The following PPP2R2B variants were observed in gnomAD, a reference collection of about 807,000 sequenced individuals.
The protein encoded by PPP2R2B is protein phosphatase 2 regulatory subunit Bbeta, also known as serine/threonine-protein phosphatase 2A 55 kDa regulatory subunit B beta isoform.
PPP2R2B carries 5 observed loss-of-function variants against 46.0 expected under a neutral mutation model. That is an observed-to-expected ratio of 0.11 (90% confidence interval 0.06 to 0.23). The LOEUF is 0.23. Ranked by LOEUF, PPP2R2B falls within the 10% of genes least tolerant of loss-of-function variation. The pLI is 1.00. For synonymous variants in PPP2R2B, 215 were observed against 206.7 expected (o/e 1.04, Z -0.34); for missense variants, 367 against 575.0 (o/e 0.64, Z 3.70).
intron 2 of PPP2R2B, among the ~76,000 whole-genome samples, chr5:146,826,984 G>T (rs567445964): frequency 5.5e-4 from 83 of 152,264 alleles, no homozygotes; most frequent in African/African-American, 2.0e-3. Flanking sequence ...CATCACAGGT[G>T]CTCAATAAAT....
In PPP2R2B at chr5:146,820,693, C is replaced by T. The variant is rs556188775; in HGVS notation, c.70+57309G>A. On this transcript the variant is annotated intron_variant, in intron 2 of 9. Coordinates refer to ENST00000394411, the MANE Select transcript of PPP2R2B (RefSeq NM_181675.4). The stretch of plus-strand genomic sequence containing the variant: ...AATCCACTTGCAACACTGATATCTC[C>T]ATGTGGAACGTCAGGCTGCTCAAAC... Among the ~76,000 whole-genome samples the T allele has an allele frequency of 5.9e-5, 9 of 152,238 alleles. No individual in the cohort carries two copies. In the South Asian group the frequency reaches 1.5e-3, roughly 25 times the overall value.
chr5:146,870,516 C>G (rs545041842), intron 2 of PPP2R2B, among the ~76,000 whole-genome samples: 1 of 152,152 alleles, frequency 6.6e-6, no homozygotes, highest in East Asian at 1.9e-4. Context: ...GCACCTTGAT[C>G]GTGGACTTCC....
intron 1 of PPP2R2B, among the ~76,000 whole-genome samples, chr5:146,981,446 G>A (rs894056703): frequency 6.4e-4 from 97 of 151,686 alleles, no homozygotes; most frequent in East Asian, 1.9e-4. Flanking sequence ...TATTGTTTTC[G>A]AGAATTCGGT....
chr5:147,077,387 C>T (rs544968435), intron 2 of PPP2R2B, among the ~76,000 whole-genome samples: 3 of 151,194 alleles, frequency 2.0e-5, no homozygotes, highest in Non-Finnish European at 4.4e-5. Context: ...CTGAGGAAAA[C>T]TGAAGCATGG....
intron 1 of PPP2R2B, among the ~76,000 whole-genome samples, chr5:146,964,902 T>C (rs1199097261): frequency 6.6e-6 from 1 of 152,136 alleles, no homozygotes; most frequent in African/African-American, 2.4e-5. Context: ...CATCTATTAT[T>C]TGGGTGACTG....
At chr5:147,055,763 A>G in exon 1 of PPP2R2B, 1 of 1,592,076 alleles carries the variant, frequency 6.3e-7, no homozygotes, top group Non-Finnish European at 8.6e-7. Context: ...AAAAAATAAA[A>G]ATCTAAATAA....
intron 2 of PPP2R2B, among the ~76,000 whole-genome samples, chr5:146,832,968 G>A (rs1047276708): frequency 3.3e-5 from 5 of 151,906 alleles, no homozygotes; most frequent in African/African-American, 1.2e-4. Context: ...ACGCATGACT[G>A]TGTGTATATT....
chr5:146,637,473 A>G (rs1774898064), intron 7 of PPP2R2B, among the ~76,000 whole-genome samples: 3 of 152,324 alleles, frequency 2.0e-5, no homozygotes, highest in East Asian at 3.9e-4. Context: ...AGAAATGCTT[A>G]TCTATATTAT....
rs1310307845 is a variant in PPP2R2B at position 146,812,480 on chromosome 5, G to GTA, written c.70+65520_70+65521dup. 5.4e-3 allele frequency among the ~76,000 whole-genome samples: 259 copies of GTA among 48,362 alleles called. 7 individuals carry two copies. Among genetic ancestry groups the GTA allele is most frequent in the Middle Eastern group, 0.017 (1 of 60 alleles). The allele number at this position is 48,362 out of a possible 152,430, so 31.7% of individuals were successfully genotyped here. On this transcript the variant is annotated intron_variant, in intron 2 of 9. Transcript: ENST00000394411. ...GGACTAAGTAACTCTAGTGATAGCAGTATATATATATATACTGTATATATA... is the reference window on the plus strand; with the variant it reads ...GGACTAAGTAACTCTAGTGATAGCAGTATATATATATATATACTGTATATATA...
At chr5:146,986,336 G>T (rs149365204) in intron 1 of PPP2R2B, among the ~76,000 whole-genome samples, 44 of 152,270 alleles carry the variant, frequency 2.9e-4, no homozygotes, top group African/African-American at 9.9e-4. Context: ...TCCACAGAGG[G>T]TGTACTTAGA....
intron 2 of PPP2R2B, among the ~76,000 whole-genome samples, chr5:146,827,159 G>A (rs1278845624): frequency 1.3e-5 from 2 of 152,134 alleles, no homozygotes; most frequent in Admixed American, 1.3e-4. Flanking sequence ...TTATGTGCAT[G>A]CTTGGAATAA....
chr5:147,001,075 TCCAATCAGCACTCTGTAAAAACAGA>T (rs1048654260), intron 1 of PPP2R2B, among the ~76,000 whole-genome samples: 1 of 152,156 alleles, frequency 6.6e-6, no homozygotes, highest in African/African-American at 2.4e-5. Flanking sequence ...TTGTAAATTC[TCCAATCAGCACTCTGTAAAAACAGA>T]CCAATCAGCA....
In PPP2R2B at chr5:147,066,846, A is replaced by G. The variant is rs1051967465; in HGVS notation, c.50+14213T>C. On this transcript the variant is annotated intron_variant, in intron 2 of 10. Coordinates refer to the PPP2R2B transcript ENST00000394413. ...GAGAAGACCAGGGAAGCCAGGCTTCATCAAGAGCCAAATACATGGCCTGAA... is the reference window on the plus strand; with the variant it reads ...GAGAAGACCAGGGAAGCCAGGCTTCGTCAAGAGCCAAATACATGGCCTGAA... Among the ~76,000 whole-genome samples the G allele has an allele frequency of 4.6e-5, 7 of 152,278 alleles. No individual in the cohort carries two copies. The East Asian group carries it at 5.8e-4, about 13-fold the overall frequency.
chr5:146,650,159 A>T (rs915259260), intron 6 of PPP2R2B, among the ~76,000 whole-genome samples: 9 of 152,200 alleles, frequency 5.9e-5, no homozygotes, highest in African/African-American at 2.2e-4. Context: ...ATTATGAGAC[A>T]ATGGAAACCA....
intron 2 of PPP2R2B, among the ~76,000 whole-genome samples, chr5:146,766,360 A>G (rs1481125873): frequency 6.6e-6 from 1 of 152,228 alleles, no homozygotes; most frequent in Admixed American, 6.5e-5. Flanking sequence ...ACCATTTTCC[A>G]GAGATATCAC....
In PPP2R2B at chr5:146,760,872, C is replaced by T. The variant is rs547678960; in HGVS notation, c.71-59730G>A. 7.9e-5 allele frequency among the ~76,000 whole-genome samples: 12 copies of T among 152,268 alleles called. No homozygotes were observed. The East Asian group carries it at 2.1e-3, about 27-fold the overall frequency. On this transcript the variant is annotated intron_variant, in intron 2 of 9. Coordinates refer to ENST00000394411, the MANE Select transcript of PPP2R2B (RefSeq NM_181675.4). ...GGGCAAAGGATATGAACAGACAGTT[C>T]TCAAAGAAGACATTTATGCAGCCAA...
intron 1 of PPP2R2B, among the ~76,000 whole-genome samples, chr5:147,045,012 T>C (rs2151898985): frequency 6.6e-6 from 1 of 152,318 alleles, no homozygotes; most frequent in Admixed American, 6.5e-5. Context: ...CTGCCACTGC[T>C]TATTGAGAAT....
Position 146,695,888 on chromosome 5 carries a change from A to G in PPP2R2B, c.334+2091T>C, listed in dbSNP as rs1394579652. Among the ~76,000 whole-genome samples the G allele has an allele frequency of 3.3e-5, 5 of 152,240 alleles. No individual in the cohort carries two copies. The South Asian group carries it at 6.2e-4, about 19-fold the overall frequency. On this transcript the variant is annotated intron_variant, in intron 4 of 9. Coordinates refer to ENST00000394411, the MANE Select transcript of PPP2R2B (RefSeq NM_181675.4). ...CAACCTCAATATTAGTATAAAAAAG[A>G]AAATTACATAAGAACATGGGAATTT...
intron 7 of PPP2R2B, among the ~76,000 whole-genome samples, chr5:146,621,969 C>T (rs1377306687): frequency 6.6e-6 from 1 of 152,172 alleles, no homozygotes; most frequent in African/African-American, 2.4e-5. Flanking sequence ...CTCTAGCACT[C>T]CCCCAGCAGG....
Sources: allele counts gnomAD v4.1 joint callset (sites outside exome capture counted in the v4.1 genomes callset), GRCh38; gene constraint gnomAD v4.1.1; transcripts MANE v1.5; gene names NCBI Gene and HGNC (gene_info 2026-07-23, HGNC 2026-07-21).